SUN3: variants seen among roughly 807,000 people sequenced by gnomAD.
SUN3 encodes the protein Sad1 and UNC84 domain containing 3.
Under a neutral mutation model 48.2 loss-of-function variants are expected in SUN3, and 36 were observed. That is an observed-to-expected ratio of 0.75 (90% CI 0.57 to 0.99). SUN3 has a LOEUF of 0.99. Ranked by LOEUF, SUN3 falls within the 50% of genes least tolerant of loss-of-function variation. The probability of loss-of-function intolerance (pLI) is 0.00; values close to 1 mark genes in which losing one functional copy is unlikely to be tolerated. For synonymous variants in SUN3, 148 were observed against 147.9 expected (o/e 1.00, Z 0.00); for missense variants, 419 against 433.1 (o/e 0.97, Z 0.29).
intron 1 of SUN3, among the ~76,000 whole-genome samples, 197 bp from the exon 2 acceptor site, chr7:48,026,135 A>G (rs1480909827): frequency 6.6e-6 from 1 of 152,028 alleles, no homozygotes; most frequent in African/African-American, 2.4e-5. Context: ...GATGATACAC[A>G]CTCACCAGCA....
chr7:48,034,853 C>A, the SUN3 span, among the ~76,000 whole-genome samples: 1 of 152,060 alleles, frequency 6.6e-6, no homozygotes, highest in Non-Finnish European at 1.5e-5. Context: ...TAAAAAAAGT[C>A]TCTCAACTTA....
intron 3 of SUN3, among the ~76,000 whole-genome samples, chr7:48,014,279 T>C (rs11984025): frequency 0.07 from 10,606 of 152,244 alleles, 1,212 homozygotes; most frequent in African/African-American, 0.24. Flanking sequence ...TTGAGTATGC[T>C]GGTTAGTCTA....
chr7:48,006,871 T>C (rs1789538522), intron 5 of SUN3, among the ~76,000 whole-genome samples: 1 of 152,212 alleles, frequency 6.6e-6, no homozygotes, highest in Admixed American at 6.5e-5. Context: ...GGTATTTGTG[T>C]ATAGAGCTCA....
At chr7:48,009,534 AG>A (rs1435416715) in intron 3 of SUN3, among the ~76,000 whole-genome samples, 1 of 152,136 alleles carries the variant, frequency 6.6e-6, no homozygotes, top group African/African-American at 2.4e-5. Context: ...CTGAATAAGG[AG>A]GGGGACTCCC....
chr7:47,997,223 G>T (rs1211648108), intron 6 of SUN3, among the ~76,000 whole-genome samples: 1 of 151,222 alleles, frequency 6.6e-6, no homozygotes, highest in Non-Finnish European at 1.5e-5. Context: ...GGTAAACAAA[G>T]AATAATTTTT....
intron 2 of SUN3, among the ~76,000 whole-genome samples, chr7:48,019,977 CAAAA>C (rs869166401): frequency 1.6e-4 from 10 of 64,148 alleles, no homozygotes; most frequent in South Asian, 8.5e-4. Context: ...AAAGACACAT[CAAAA>C]AAAAAAAAAA....
At chr7:48,010,702 A>G (rs1486614871) in intron 3 of SUN3, among the ~76,000 whole-genome samples, 1 of 152,162 alleles carries the variant, frequency 6.6e-6, no homozygotes, top group African/African-American at 2.4e-5. Context: ...ACTTTCTTGT[A>G]GCAACAAAGC....
At chr7:48,006,496 T>A (rs1374609347) in intron 5 of SUN3, among the ~76,000 whole-genome samples, 2 of 152,176 alleles carry the variant, frequency 1.3e-5, no homozygotes, top group Non-Finnish European at 2.9e-5. Context: ...ATATTAGACA[T>A]TTTTCACCCA....
chr7:48,018,675 C>T (rs777174043), intron 2 of SUN3: 6 of 153,370 alleles, frequency 3.9e-5, no homozygotes, highest in Non-Finnish European at 7.3e-5. Flanking sequence ...TGATTGCAGC[C>T]CTCAACATGC....
intron 1 of SUN3, among the ~76,000 whole-genome samples, chr7:48,027,235 A>C (rs1583786677): frequency 6.6e-6 from 1 of 152,202 alleles, no homozygotes; most frequent in East Asian, 1.9e-4. Context: ...GTGGGTATCC[A>C]TCCTAACATT....
chr7:48,005,420 T>C (rs909978786), intron 6 of SUN3, among the ~76,000 whole-genome samples: 6 of 152,248 alleles, frequency 3.9e-5, no homozygotes, highest in Non-Finnish European at 7.3e-5. Context: ...GTGTTTTATA[T>C]TTCCATTCTC....
At chr7:48,019,971 A>G (rs1351300144) in intron 2 of SUN3, among the ~76,000 whole-genome samples, 3 of 138,072 alleles carry the variant, frequency 2.2e-5, no homozygotes, top group African/African-American at 8.9e-5. Flanking sequence ...CCAGACAAAG[A>G]CACATCAAAA....
chr7:47,989,008 C>T, intron 8 of SUN3, 128 bp from the exon 9 acceptor site: 1 of 559,030 alleles, frequency 1.8e-6, no homozygotes, highest in Non-Finnish European at 3.2e-6. Context: ...CATGCCAGTA[C>T]TAACCTATAC....
upstream of SUN3, chr7:48,029,179 A>G: frequency 2.1e-6 from 1 of 477,728 alleles, no homozygotes. Flanking sequence ...CAGGGCATGG[A>G]CAGGCAACCA....
chr7:48,030,383 G>C (rs1790239130), upstream of SUN3, among the ~76,000 whole-genome samples: 1 of 152,058 alleles, frequency 6.6e-6, no homozygotes, highest in African/African-American at 2.4e-5. Context: ...TCTAGCTATT[G>C]GTTCCCCTCT....
intron 6 of SUN3, among the ~76,000 whole-genome samples, chr7:48,002,600 T>C (rs1583756739): frequency 6.6e-6 from 1 of 152,354 alleles, no homozygotes; most frequent in African/African-American, 2.4e-5. Context: ...TGTAAATTTG[T>C]GTAAGTTCCT....
At chr7:48,006,708 A>G (rs1184126270) in intron 5 of SUN3, among the ~76,000 whole-genome samples, 3 of 152,182 alleles carry the variant, frequency 2.0e-5, no homozygotes, top group Middle Eastern at 3.2e-3. Flanking sequence ...AAAAGTAGAC[A>G]TTAGGGAAGA....
chr7:47,997,243 G>A (rs1410319070), intron 6 of SUN3, among the ~76,000 whole-genome samples: 1 of 152,068 alleles, frequency 6.6e-6, no homozygotes, highest in East Asian at 1.9e-4. Flanking sequence ...TTTAGTAGTA[G>A]TCATGTCCCA....
intron 5 of SUN3, among the ~76,000 whole-genome samples, chr7:48,006,861 G>A (rs1789538186): frequency 6.6e-6 from 1 of 152,122 alleles, no homozygotes; most frequent in African/African-American, 2.4e-5. Context: ...TGCTATTTAA[G>A]GTATTTGTGT....
Sources: gnomAD v4.1 joint callset for allele counts (sites outside exome capture counted in the v4.1 genomes callset) on GRCh38, gnomAD v4.1.1 for gene constraint, MANE v1.5 for transcripts, NCBI Gene and HGNC (gene_info 2026-07-23, HGNC 2026-07-21) for gene names.